ITPKB: variants seen among roughly 807,000 people sequenced by gnomAD.
ITPKB encodes the protein inositol-trisphosphate 3-kinase B.
A neutral mutation model predicts 69.4 loss-of-function variants in ITPKB; 13 were observed. That is an observed-to-expected ratio of 0.19 (90% CI 0.12 to 0.30). The LOEUF is 0.30. Ranked by LOEUF, ITPKB falls within the 10% of genes least tolerant of loss-of-function variation. ITPKB has a pLI of 1.00. For missense variants in ITPKB, 1,240 were observed against 1,250.5 expected (o/e 0.99, Z 0.13); for synonymous variants, 584 against 513.7 (o/e 1.14, Z -1.85).
chr1:226,687,455 T>TTTC (rs1308046633), intron 2 of ITPKB, among the ~76,000 whole-genome samples: 4 of 152,184 alleles, frequency 2.6e-5, no homozygotes, highest in Non-Finnish European at 5.9e-5. Context: ...TGATCCCTTG[T>TTTC]TTCCAGCCTC....
chr1:226,738,863 T>C lies in ITPKB; in HGVS notation c.-206+178A>G, dbSNP rs944011391. The stretch of plus-strand genomic sequence containing the variant: ...AATGCGGAGACCTCGTCTCTCCCTA[T>C]TTTCTCCCCACCGCCACTCCATGTC... On this transcript the variant is annotated intron_variant, in intron 1 of 7. Coordinates refer to ENST00000429204, the MANE Select transcript of ITPKB (RefSeq NM_002221.4). This position sits in a 1 kb window ranked among gnomAD's most constrained non-coding sequence, Gnocchi z 4.2. Among the ~76,000 whole-genome samples, 2 of 152,010 alleles carry C rather than the reference T, an allele frequency of 1.3e-5. No individual in the cohort carries two copies. Among genetic ancestry groups the C allele is most frequent in the Middle Eastern group, 3.2e-3 (1 of 316 alleles).
intron 2 of ITPKB, among the ~76,000 whole-genome samples, chr1:226,660,789 T>C (rs1290326891): frequency 1.3e-5 from 2 of 152,190 alleles, no homozygotes; most frequent in African/African-American, 4.8e-5. Context: ...ACGAGGCGGA[T>C]GGGCAGCCTT....
At chr1:226,671,563 G>T (rs1453075855) in intron 2 of ITPKB, among the ~76,000 whole-genome samples, 1 of 152,204 alleles carries the variant, frequency 6.6e-6, no homozygotes, top group Admixed American at 6.5e-5. Context: ...TTCTAAGTGG[G>T]GACAGGCAGA....
chr1:226,666,447 G>C (rs913394816), intron 2 of ITPKB, among the ~76,000 whole-genome samples: 1 of 152,166 alleles, frequency 6.6e-6, no homozygotes, highest in Non-Finnish European at 1.5e-5. Flanking sequence ...GGCTCCAGGG[G>C]CTCTGGGAAG....
At chr1:226,694,227 A>T (rs563971287) in intron 2 of ITPKB, among the ~76,000 whole-genome samples, 3 of 152,362 alleles carry the variant, frequency 2.0e-5, no homozygotes, top group Non-Finnish European at 4.4e-5. Context: ...ATGTGTTCAG[A>T]TTTCACCAAG....
At chr1:226,666,920 T>A (rs1669514380) in intron 2 of ITPKB, among the ~76,000 whole-genome samples, 1 of 152,098 alleles carries the variant, frequency 6.6e-6, no homozygotes, top group African/African-American at 2.4e-5. Flanking sequence ...GTCCCTTCAC[T>A]CCCTGGGCTG....
At position 226,699,312 on chromosome 1, in the gene ITPKB, C is replaced by T. The variant is rs192553390; in HGVS notation, c.1932+36215G>A. Among the ~76,000 whole-genome samples the T allele has an allele frequency of 4.6e-5, 7 of 152,350 alleles. No individual in the cohort carries two copies. The East Asian group carries it at 1.4e-3, about 29-fold the overall frequency. On this transcript the variant is annotated intron_variant, in intron 2 of 7. Transcript: ENST00000429204. Reference sequence around the variant, plus strand: ...AGGATGATCTCTGAGGATCTCTGCACCGCCAAGCACCCTCCGGGCTGCTGA... The same window carrying T: ...AGGATGATCTCTGAGGATCTCTGCATCGCCAAGCACCCTCCGGGCTGCTGA...
chr1:226,703,073 A>C (rs1230567839), intron 2 of ITPKB, among the ~76,000 whole-genome samples: 2 of 152,224 alleles, frequency 1.3e-5, no homozygotes, highest in African/African-American at 4.8e-5. Flanking sequence ...CAAGAACCCG[A>C]GATTCCACTT....
chr1:226,681,349 T>C (rs778943440), intron 2 of ITPKB, among the ~76,000 whole-genome samples: 6 of 152,180 alleles, frequency 3.9e-5, no homozygotes, highest in East Asian at 1.9e-4. Context: ...ATCTGTAAAA[T>C]TGGGCAGAGA....
chr1:226,735,781 C>A lies in ITPKB; in HGVS notation c.1678G>T (p.Ala560Ser), dbSNP rs773730694. ...GCAGGTATGTTGCTGGGGCTGCAGG[C>A]CTTCCTCAGGAAAGGCTTGTCCGGA... ...QDPDKPFLRK[A>S]CSPSNIPAVI... The change falls in exon 2 of 8, where the codon GCC (alanine) becomes TCC (serine). Residue 560 changes from alanine (A) to serine (S), a missense_variant. Ala to Ser is a moderately conservative substitution (Grantham distance 99, BLOSUM62 1). Around this residue, in one of 2 missense-constraint regions of ITPKB, gnomAD observed 992 missense variants for 853.8 expected, o/e 1.16. Transcript: ENST00000429204. The A allele has an allele frequency of 1.2e-5, 20 of 1,601,678 alleles. No individual in the cohort carries two copies. The East Asian group carries it at 3.8e-4, about 31-fold the overall frequency.
In ITPKB at chr1:226,737,529, G is replaced by A; in HGVS notation, c.-71C>T. On this transcript the variant is annotated 5_prime_UTR_variant, in exon 2 of 8. Coordinates refer to ENST00000429204, the MANE Select transcript of ITPKB (RefSeq NM_002221.4). ...TCCGCCGCCGGCGCCTCCTCCTCCC[G>A]GCGCTCCCGGCTCAGCCCCGGAGGC... 6.5e-6 allele frequency: 9 copies of A among 1,381,358 alleles called. No homozygotes were observed. Among genetic ancestry groups the A allele is most frequent in the Non-Finnish European group, 8.4e-6 (9 of 1,070,254 alleles). The allele number at this position is 1,381,358 out of a possible 1,614,324, so 85.6% of individuals were successfully genotyped here.
intron 2 of ITPKB, among the ~76,000 whole-genome samples, chr1:226,666,295 T>C (rs1180550642): frequency 3.3e-5 from 5 of 152,208 alleles, no homozygotes; most frequent in African/African-American, 1.2e-4. Flanking sequence ...CAGCAAGGTC[T>C]GCCAGCTCCC....
chr1:226,707,973 A>G, intron 2 of ITPKB: 5 of 1,116,176 alleles, frequency 4.5e-6, no homozygotes, highest in Non-Finnish European at 6.0e-6. Context: ...GCATATGGCA[A>G]TAACTGCAAC....
chr1:226,636,884 C>T (rs993787253), intron 7 of ITPKB, among the ~76,000 whole-genome samples: 5 of 151,632 alleles, frequency 3.3e-5, no homozygotes, highest in South Asian at 2.1e-4. Flanking sequence ...TGTTTGTATA[C>T]GTATGACTTG....
At chr1:226,703,655 G>A (rs774913253) in intron 2 of ITPKB, among the ~76,000 whole-genome samples, 3 of 152,240 alleles carry the variant, frequency 2.0e-5, no homozygotes, top group Non-Finnish European at 2.9e-5. Context: ...GCCAGCGCTA[G>A]CGGGCCCGCA....
At chr1:226,655,338 G>T (rs1463935023) in intron 2 of ITPKB, among the ~76,000 whole-genome samples, 1 of 152,210 alleles carries the variant, frequency 6.6e-6, no homozygotes, top group Non-Finnish European at 1.5e-5. Context: ...CCCTGTGACT[G>T]CTCAGCCAGG....
At chr1:226,672,158 T>C (rs1466845589) in intron 2 of ITPKB, among the ~76,000 whole-genome samples, 1 of 152,124 alleles carries the variant, frequency 6.6e-6, no homozygotes, top group East Asian at 1.9e-4. Flanking sequence ...AAATAAAAAT[T>C]TTTTATCTGA....
At chr1:226,704,744 C>G (rs1478371132) in intron 2 of ITPKB, among the ~76,000 whole-genome samples, 1 of 152,194 alleles carries the variant, frequency 6.6e-6, no homozygotes, top group African/African-American at 2.4e-5. Context: ...CAATGCTGTG[C>G]CCAGTCTAAA....
At chr1:226,680,356 T>C (rs531115512) in intron 2 of ITPKB, among the ~76,000 whole-genome samples, 4 of 152,186 alleles carry the variant, frequency 2.6e-5, no homozygotes, top group African/African-American at 9.6e-5. Context: ...AGATCCTAAG[T>C]CCCTTTTGGC....
Sources: gnomAD v4.1 joint callset for allele counts (sites outside exome capture counted in the v4.1 genomes callset) on GRCh38, gnomAD v4.1.1 for gene constraint, gnomAD v4.1.1 regional missense constraint, Gnocchi (gnomAD v3.1) non-coding constraint, MANE v1.5 for transcripts, NCBI Gene and HGNC (gene_info 2026-07-23, HGNC 2026-07-21) for gene names.